Variants in CARD8 observed in about 807,000 individuals in gnomAD.
The protein encoded by CARD8 is caspase recruitment domain family member 8.
A neutral mutation model predicts 53.2 loss-of-function variants in CARD8; 38 were observed. The observed-to-expected ratio is 0.71, with a 90% CI of 0.55 to 0.94. CARD8 has a LOEUF of 0.94. CARD8 is among the 40% of genes least tolerant of loss of function. CARD8 has a pLI of 0.00. For synonymous variants in CARD8, 245 were observed against 244.9 expected, an observed-to-expected ratio of 1.00 and a Z score of 0.00; for missense variants, 561 against 655.5, an observed-to-expected ratio of 0.86 and a Z score of 1.57.
chr19:48,220,953 GA>G (rs138080537), intron 11 of CARD8, among the ~76,000 whole-genome samples: 2,375 of 62,158 alleles, frequency 0.038, 40 homozygotes, highest in African/African-American at 0.065. Flanking sequence ...GAAAGGAAAG[GA>G]AAGGAAGGAA....
Position 48,211,841 on chromosome 19 carries a change from G to GT in CARD8, c.1482dup (p.Arg495ThrfsTer6), listed in dbSNP as rs756075950. 3 of 1,614,076 alleles carry GT rather than the reference G, an allele frequency of 1.9e-6. No individual in the cohort carries two copies. The highest frequency in any genetic ancestry group is 1.7e-6 in the Non-Finnish European group (2 of 1,180,022). On this transcript the variant is annotated frameshift_variant, in exon 14 of 14. Coordinates refer to ENST00000651546, the MANE Select transcript of CARD8 (RefSeq NM_001184900.3). LOFTEE classifies it low-confidence loss of function (END_TRUNC). ...AGCAAGGCCTCATTCTTGCTCTGCC[G>GT]TGTCTTTTCCTGCTCCACCAGCTCC...
chr19:48,226,682 T>C (rs1475847282), intron 10 of CARD8, among the ~76,000 whole-genome samples: 1 of 152,218 alleles, frequency 6.6e-6, no homozygotes, highest in East Asian at 1.9e-4. Flanking sequence ...TGAGATAAGC[T>C]TGAAGACTTT....
chr19:48,245,753 T>C (rs536604316), intron 3 of CARD8, among the ~76,000 whole-genome samples: 1 of 149,086 alleles, frequency 6.7e-6, no homozygotes, highest in East Asian at 1.9e-4. Flanking sequence ...TATAATTGTA[T>C]TATATATAAA....
Position 48,213,425 on chromosome 19 carries a change from A to G in CARD8, c.1349-1450T>C, listed in dbSNP as rs149741889. 2.3e-3 allele frequency among the ~76,000 whole-genome samples: 349 copies of G among 152,114 alleles called. 1 individual carries two copies. The highest frequency in any genetic ancestry group is 6.8e-3 in the African/African-American group (284 of 41,496). On this transcript the variant is annotated intron_variant, in intron 13 of 13. Transcript: ENST00000651546. Reference sequence around the variant, plus strand: ...AGTCTCACTCTTGTCCCCAGGCTGGAGTGCGATGGCACGATCTCGGCTTAC... The same window carrying G: ...AGTCTCACTCTTGTCCCCAGGCTGGGGTGCGATGGCACGATCTCGGCTTAC...
rs1164327378 is a variant in CARD8 at position 48,230,911 on chromosome 19, G to C, written c.638C>G (p.Ser213Cys). 6.2e-7 allele frequency: 1 copy of C among 1,614,058 alleles called. No individual in the cohort carries two copies. The highest frequency in any genetic ancestry group is 8.5e-7 in the Non-Finnish European group (1 of 1,180,040). The change falls in exon 9 of 14, where the codon TCC becomes TGC. Residue 213 changes from serine to cysteine, a missense_variant. Coordinates refer to ENST00000651546, the MANE Select transcript of CARD8 (RefSeq NM_001184900.3). ...GTCCAGGGCCAGGTGCTGACTCCAG[G>C]AACCAAACGCAATCGTCACTGTGAC... ...DEVTVTIAFG[S>C]WSQHLALDLQ...
At chr19:48,215,679 C>G (rs2039125772) in intron 12 of CARD8, among the ~76,000 whole-genome samples, 1 of 152,154 alleles carries the variant, frequency 6.6e-6, no homozygotes, top group African/African-American at 2.4e-5. Context: ...ACATAAATTA[C>G]AGTCAAAGTG....
At position 48,211,868 on chromosome 19, in the gene CARD8, T is replaced by C. The variant is rs1013415417; in HGVS notation, c.1456A>G (p.Lys486Glu). 1.2e-6 allele frequency: 2 copies of C among 1,614,098 alleles called. No homozygotes were observed. The highest frequency in any genetic ancestry group is 1.3e-5 in the African/African-American group (1 of 75,012). ...QDNEVLTENEKELVEQEKTRQ... is the reference protein window; with the variant it reads ...QDNEVLTENEEELVEQEKTRQ... ...GTCTTTTCCTGCTCCACCAGCTCCT[T>C]CTCATTCTCAGTAAGAACCTCATTG... The change falls in exon 14 of 14, where the codon AAG becomes GAG. Residue 486 changes from lysine to glutamate, a missense_variant. Coordinates refer to ENST00000651546, the MANE Select transcript of CARD8 (RefSeq NM_001184900.3).
intron 3 of CARD8, among the ~76,000 whole-genome samples, chr19:48,243,531 C>T (rs753934641): frequency 3.9e-5 from 6 of 152,148 alleles, no homozygotes; most frequent in South Asian, 2.1e-4. Context: ...TCACAGCCTG[C>T]GAAAAATTTA....
downstream of CARD8, among the ~76,000 whole-genome samples, chr19:48,205,856 T>C (rs962049414): frequency 6.6e-6 from 1 of 151,998 alleles, no homozygotes; most frequent in Admixed American, 6.5e-5. Context: ...AAAGGAAAGG[T>C]AGGGAATTGG....
chr19:48,229,126 G>A (rs535879527), intron 10 of CARD8, among the ~76,000 whole-genome samples: 3 of 152,128 alleles, frequency 2.0e-5, no homozygotes, highest in Non-Finnish European at 4.4e-5. Flanking sequence ...AACAGAACAA[G>A]ACTCTGTCTC....
chr19:48,245,839 AAAT>A (rs1176930414), intron 3 of CARD8, among the ~76,000 whole-genome samples: 2 of 148,486 alleles, frequency 1.3e-5, no homozygotes, highest in African/African-American at 4.9e-5. Context: ...TATTATATAT[AAAT>A]AATTGCATAT....
chr19:48,238,721 T>A (rs1387771244), intron 4 of CARD8, among the ~76,000 whole-genome samples, 189 bp from the exon 5 acceptor site: 1 of 152,134 alleles, frequency 6.6e-6, no homozygotes, highest in Non-Finnish European at 1.5e-5. Context: ...AGAGATGCCA[T>A]CCTTAGAGAC....
intron 12 of CARD8, 142 bp from the exon 13 acceptor site, chr19:48,215,526 G>C (rs2039090052): frequency 1.7e-6 from 1 of 584,122 alleles, no homozygotes; most frequent in Non-Finnish European, 3.1e-6. Flanking sequence ...CTAATACACT[G>C]AGGAAACCCC....
chr19:48,214,780 T>C lies in CARD8; in HGVS notation c.1348+560A>G, dbSNP rs1459730010. ...TTCCTGCTATAAAGCTTTTTTTTTT[T>C]TTTTTTTTTTTTTTTTTTTTTTTGT... On this transcript the variant is annotated intron_variant, in intron 13 of 13. Coordinates refer to ENST00000651546, the MANE Select transcript of CARD8 (RefSeq NM_001184900.3). Among the ~76,000 whole-genome samples the C allele has an allele frequency of 1.7e-3, 84 of 48,734 alleles. 2 individuals carry two copies. The highest frequency in any genetic ancestry group is 4.9e-3 in the African/African-American group (77 of 15,786). 32.0% of individuals were successfully genotyped at this position (48,734 alleles called of 152,430 possible). A position where few individuals can be genotyped will look rare whatever the true frequency, so the allele number is the denominator to read the frequency against.
At chr19:48,231,882 C>G (rs745787033) in intron 7 of CARD8, 72 bp from the exon 8 acceptor site, 2 of 1,338,368 alleles carry the variant, frequency 1.5e-6, no homozygotes, top group African/African-American at 2.9e-5. Context: ...CTCCTGGAGG[C>G]TGAATTGCAC....
chr19:48,216,356 T>C (rs1286521741), intron 12 of CARD8, among the ~76,000 whole-genome samples: 1 of 152,190 alleles, frequency 6.6e-6, no homozygotes, highest in Non-Finnish European at 1.5e-5. Flanking sequence ...CTTCTTCGCA[T>C]ATTAAACATC....
intron 13 of CARD8, 107 bp downstream of exon 13, chr19:48,215,233 G>A (rs2039018122): frequency 6.4e-6 from 5 of 781,074 alleles, no homozygotes; most frequent in Admixed American, 2.0e-5. Context: ...CGGATTTGCT[G>A]CCAGTAACGT....
In CARD8 at chr19:48,221,712, G is replaced by T; in HGVS notation, c.1161+18C>A. ...AAACACTCTGAAACCTGCTGAGTTGGGTTTGAATTCTACTAACCTTGGGCA... is the reference window on the plus strand; with the variant it reads ...AAACACTCTGAAACCTGCTGAGTTGTGTTTGAATTCTACTAACCTTGGGCA... On this transcript the variant is annotated intron_variant, in intron 11 of 13. Transcript: ENST00000651546. The T allele has an allele frequency of 2.0e-6, 3 of 1,518,560 alleles. No individual in the cohort carries two copies. The highest frequency in any genetic ancestry group is 4.6e-5 in the East Asian group (2 of 43,282). 94.1% of individuals were successfully genotyped at this position (1,518,560 alleles called of 1,614,324 possible).
intron 8 of CARD8, among the ~76,000 whole-genome samples, chr19:48,231,440 G>C (rs976570119): frequency 6.6e-6 from 1 of 152,160 alleles, no homozygotes; most frequent in Admixed American, 6.5e-5. Flanking sequence ...GATTAGCTGG[G>C]ACTACACGCG....
Sources: gnomAD v4.1 joint callset for allele counts (sites outside exome capture counted in the v4.1 genomes callset) on GRCh38, gnomAD v4.1.1 for gene constraint, MANE v1.5 for transcripts, NCBI Gene and HGNC (gene_info 2026-07-23, HGNC 2026-07-21) for gene names.